PCSK2: variants seen among roughly 807,000 people sequenced by gnomAD.
PCSK2 encodes neuroendocrine convertase 2.
In PCSK2, 14 loss-of-function variants were observed where a neutral mutation model predicts 69.7. The observed-to-expected ratio is 0.20, with a 90% CI of 0.13 to 0.31. The LOEUF is 0.31. Ranked by LOEUF, PCSK2 falls within the 10% of genes least tolerant of loss-of-function variation. The pLI is 1.00. For synonymous variants in PCSK2, 307 were observed against 320.7 expected (o/e 0.96, Z 0.46); for missense variants, 544 against 842.5 (o/e 0.65, Z 4.39).
chr20:17,230,426 T>C (rs1986104083), intron 1 of PCSK2, among the ~76,000 whole-genome samples: 1 of 152,246 alleles, frequency 6.6e-6, no homozygotes, highest in Non-Finnish European at 1.5e-5. Context: ...AGAAGTTAAG[T>C]ATCTGCTTAT....
intron 2 of PCSK2, among the ~76,000 whole-genome samples, chr20:17,281,400 C>A (rs1988306164): frequency 6.6e-6 from 1 of 152,154 alleles, no homozygotes; most frequent in Non-Finnish European, 1.5e-5. Flanking sequence ...GGGAGCAAAC[C>A]TCGGTAAAGA....
intron 1 of PCSK2, among the ~76,000 whole-genome samples, chr20:17,244,023 A>G (rs985799228): frequency 2.0e-5 from 3 of 152,220 alleles, no homozygotes; most frequent in Admixed American, 6.5e-5. Context: ...TCTGTAAATT[A>G]GAAAATGATA....
At chr20:17,354,757 G>T (rs2030136545) in intron 2 of PCSK2, among the ~76,000 whole-genome samples, 1 of 151,982 alleles carries the variant, frequency 6.6e-6, no homozygotes, top group Non-Finnish European at 1.5e-5. Context: ...AATTCTTATG[G>T]TAGGATACTC....
At chr20:17,316,237 C>G (rs1989684980) in intron 2 of PCSK2, among the ~76,000 whole-genome samples, 1 of 152,200 alleles carries the variant, frequency 6.6e-6, no homozygotes, top group Non-Finnish European at 1.5e-5. Flanking sequence ...TACCCTCGCA[C>G]GTTTCTTTTC....
At chr20:17,327,949 C>T (rs867132101) in intron 2 of PCSK2, among the ~76,000 whole-genome samples, 11 of 152,128 alleles carry the variant, frequency 7.2e-5, no homozygotes, top group African/African-American at 2.7e-4. Flanking sequence ...TACACGCACG[C>T]GATGCCCATG....
At chr20:17,229,009 A>G (rs1986044020) in intron 1 of PCSK2, among the ~76,000 whole-genome samples, 1 of 152,120 alleles carries the variant, frequency 6.6e-6, no homozygotes, top group Non-Finnish European at 1.5e-5. Flanking sequence ...ACAATAAAGA[A>G]GCCGACCTTC....
chr20:17,268,983 T>G (rs1987750246), intron 2 of PCSK2, among the ~76,000 whole-genome samples: 1 of 152,180 alleles, frequency 6.6e-6, no homozygotes, highest in Non-Finnish European at 1.5e-5. Flanking sequence ...CAAAGGTGAC[T>G]CCTAAGTTGT....
At chr20:17,396,566 C>T (rs370204765) in intron 5 of PCSK2, among the ~76,000 whole-genome samples, 24 of 152,244 alleles carry the variant, frequency 1.6e-4, no homozygotes, top group African/African-American at 5.3e-4. Context: ...GTGATGATGG[C>T]TCACAGCACT....
At chr20:17,321,325 T>C (rs1989860509) in intron 2 of PCSK2, among the ~76,000 whole-genome samples, 1 of 152,224 alleles carries the variant, frequency 6.6e-6, no homozygotes, top group African/African-American at 2.4e-5. Flanking sequence ...CAGAAGTATG[T>C]AAGCAGCCCA....
intron 10 of PCSK2, among the ~76,000 whole-genome samples, chr20:17,462,831 G>A (rs576410342): frequency 2.0e-4 from 31 of 152,202 alleles, no homozygotes; most frequent in Admixed American, 1.8e-3. Context: ...CCTGTATATC[G>A]CAGATACTCC....
At chr20:17,344,168 C>T (rs1219728479) in intron 2 of PCSK2, among the ~76,000 whole-genome samples, 21 of 152,212 alleles carry the variant, frequency 1.4e-4, no homozygotes, top group African/African-American at 9.6e-5. Flanking sequence ...GCCCTGTCAT[C>T]GGGTGCTCTG....
rs371068312 is a variant in PCSK2, at chr20:17,273,254, T to A, written c.282+12910T>A. ...ACTATCATTGAACTTCTATCAGTGCTTCCAAAATAATTATTCTAACACTTA... is the reference window on the plus strand; with the variant it reads ...ACTATCATTGAACTTCTATCAGTGCATCCAAAATAATTATTCTAACACTTA... On this transcript the variant is annotated intron_variant, in intron 2 of 11. Coordinates refer to ENST00000262545, the MANE Select transcript of PCSK2 (RefSeq NM_002594.5). Among the ~76,000 whole-genome samples, 70 of 152,280 alleles carry A rather than the reference T, an allele frequency of 4.6e-4. No homozygotes were observed. The East Asian group carries it at 8.7e-3, about 19-fold the overall frequency.
At chr20:17,468,626 G>A (rs910277309) in intron 11 of PCSK2, among the ~76,000 whole-genome samples, 6 of 146,996 alleles carry the variant, frequency 4.1e-5, no homozygotes, top group South Asian at 2.2e-4. Context: ...GTGTCCTCCC[G>A]TAGAAGGGTA....
At chr20:17,373,532 A>G (rs1273778036) in intron 5 of PCSK2, among the ~76,000 whole-genome samples, 1 of 152,208 alleles carries the variant, frequency 6.6e-6, no homozygotes, top group Non-Finnish European at 1.5e-5. Context: ...TCTGCCCCAG[A>G]GATGCCTTGG....
intron 8 of PCSK2, among the ~76,000 whole-genome samples, chr20:17,452,173 C>T (rs2123379164): frequency 6.6e-6 from 1 of 152,168 alleles, no homozygotes; most frequent in African/African-American, 2.4e-5. Context: ...AACCACCGCG[C>T]CCGGCCACAC....
At chr20:17,226,798 C>T (rs939719751), upstream of PCSK2, among the ~76,000 whole-genome samples, 5 of 136,976 alleles carry the variant, frequency 3.7e-5, no homozygotes, top group African/African-American at 1.3e-4. Context: ...GGCGCGGGCT[C>T]GCTGCGCTGC....
intron 2 of PCSK2, among the ~76,000 whole-genome samples, chr20:17,286,276 C>T (rs780448473): frequency 5.3e-5 from 8 of 152,140 alleles, no homozygotes; most frequent in Non-Finnish European, 1.0e-4. Context: ...GAAATAAAAA[C>T]AAGCCAGAAT....
intron 6 of PCSK2, among the ~76,000 whole-genome samples, chr20:17,414,517 A>G (rs2031952681): frequency 6.6e-6 from 1 of 152,218 alleles, no homozygotes; most frequent in African/African-American, 2.4e-5. Flanking sequence ...GACCAATAAC[A>G]GGCTCTGAAA....
chr20:17,472,763 C>T (rs2033223744), intron 11 of PCSK2, among the ~76,000 whole-genome samples: 1 of 152,142 alleles, frequency 6.6e-6, no homozygotes, highest in Admixed American at 6.5e-5. Context: ...GCTGGGGTTT[C>T]ACCATGTTGG....
Sources: allele counts gnomAD v4.1 joint callset (sites outside exome capture counted in the v4.1 genomes callset), GRCh38; gene constraint gnomAD v4.1.1; transcripts MANE v1.5; gene names NCBI Gene and HGNC (gene_info 2026-07-23, HGNC 2026-07-21).